Variants in SMARCC2 observed in about 807,000 individuals in gnomAD.
The protein encoded by SMARCC2 is SWI/SNF complex subunit SMARCC2.
A neutral mutation model predicts 151.3 loss-of-function variants in SMARCC2; 15 were observed. The ratio of observed to expected loss-of-function variants is 0.10; its 90% CI spans 0.07 to 0.15. SMARCC2 has a LOEUF of 0.15. Ranked by LOEUF, SMARCC2 falls within the 10% of genes least tolerant of loss-of-function variation. The pLI is 1.00. For synonymous variants in SMARCC2, 590 were observed against 609.5 expected (o/e 0.97, Z 0.47); for missense variants, 1,031 against 1,599.7 (o/e 0.64, Z 6.06).
intron 5 of SMARCC2, chr12:56,184,594 T>C (rs929139954): frequency 1.1e-5 from 6 of 550,940 alleles, no homozygotes; most frequent in Non-Finnish European, 1.9e-5. Context: ...TCTAGCTCAG[T>C]AGAAGTGGAT....
chr12:56,180,931 A>C (rs1876078140), intron 11 of SMARCC2, 46 bp downstream of exon 11: 1 of 1,576,892 alleles, frequency 6.3e-7, no homozygotes, highest in Non-Finnish European at 8.6e-7. Context: ...AGGAGAGTCA[A>C]GACGGGGAGT....
At chr12:56,165,072 G>A (rs1350474796) in intron 27 of SMARCC2, among the ~76,000 whole-genome samples, 2 of 152,160 alleles carry the variant, frequency 1.3e-5, no homozygotes, top group African/African-American at 2.4e-5. Flanking sequence ...TTACAAACAA[G>A]GATAATCTAG....
At chr12:56,176,821 TG>T (rs1376179607) in intron 15 of SMARCC2, among the ~76,000 whole-genome samples, 1 of 147,620 alleles carries the variant, frequency 6.8e-6, no homozygotes, top group East Asian at 2.0e-4. Flanking sequence ...TTTTTGTTTT[TG>T]TTTTTTTGTT....
chr12:56,182,714 C>T (rs886344432), intron 7 of SMARCC2, among the ~76,000 whole-genome samples: 2 of 149,976 alleles, frequency 1.3e-5, no homozygotes, highest in Admixed American at 6.7e-5. Flanking sequence ...GCCTTGGCTT[C>T]CCAAAGTGCT....
intron 1 of SMARCC2, among the ~76,000 whole-genome samples, chr12:56,189,055 G>A (rs899178019): frequency 1.3e-5 from 2 of 151,990 alleles, no homozygotes; most frequent in Non-Finnish European, 2.9e-5. Flanking sequence ...AAGCCAGGAG[G>A]GCGATGGCTG....
At position 56,163,244 on chromosome 12, in the gene SMARCC2, AACTC is replaced by A; in HGVS notation, c.*441_*444del. ...TGGAATCTTAATTCCCCTTTCCTAAAACTCACTCCCCCTCAAAAAATGTAAAAAT... is the reference window on the plus strand; with the variant it reads ...TGGAATCTTAATTCCCCTTTCCTAAAACTCCCCCTCAAAAAATGTAAAAAT... On this transcript the variant is annotated 3_prime_UTR_variant, in exon 29 of 29. Transcript: ENST00000550164. 6.6e-6 allele frequency: 1 copy of A among 151,968 alleles called. No homozygotes were observed. Among genetic ancestry groups the A allele is most frequent in the South Asian group, 2.1e-4 (1 of 4,794 alleles). 9.4% of individuals were successfully genotyped at this position (151,968 alleles called of 1,614,324 possible). A position where few individuals can be genotyped will look rare whatever the true frequency, so the allele number is the denominator to read the frequency against.
At chr12:56,173,562 G>T in intron 17 of SMARCC2, 134 bp downstream of exon 17, 1 of 771,388 alleles carries the variant, frequency 1.3e-6, no homozygotes, top group Non-Finnish European at 2.1e-6. Context: ...TGATTCCCGT[G>T]ACCCTTTGCA....
intron 23 of SMARCC2, 105 bp from the exon 24 acceptor site, chr12:56,170,016 G>A (rs986804878): frequency 7.6e-6 from 11 of 1,438,324 alleles, no homozygotes; most frequent in South Asian, 1.2e-5. Context: ...TTACTTTGGA[G>A]GTGATCTGAT....
In SMARCC2 at chr12:56,171,114, G is replaced by C. The variant is rs1332238037; in HGVS notation, c.2347+157C>G. Among the ~76,000 whole-genome samples, 1 of 152,162 alleles carries C rather than the reference G, an allele frequency of 6.6e-6. No homozygotes were observed. Among genetic ancestry groups the C allele is most frequent in the African/African-American group, 2.4e-5 (1 of 41,436 alleles). On this transcript the variant is annotated intron_variant, in intron 22 of 28. Transcript: ENST00000550164. The surrounding 1 kb of genome is among the most constrained non-coding windows in gnomAD (Gnocchi z 4.2). ...TCATGAGAGGACTAGTAGGGCTCCA[G>C]AGCCCCTGAGGTAAACTCATGGGGA...
intron 23 of SMARCC2, 82 bp from the exon 24 acceptor site, chr12:56,169,993 A>G: frequency 6.8e-7 from 1 of 1,469,366 alleles, no homozygotes; most frequent in Admixed American, 1.7e-5. Flanking sequence ...ACGGGGAACT[A>G]AATTTATTCC....
intron 1 of SMARCC2, among the ~76,000 whole-genome samples, chr12:56,187,906 C>T (rs557728513): frequency 6.6e-6 from 1 of 152,178 alleles, no homozygotes; most frequent in Non-Finnish European, 1.5e-5. Flanking sequence ...ACAACATCTA[C>T]CCTGTCCGAG....
rs1352642347 is a variant in SMARCC2, at chr12:56,171,554, C to A, written c.2186-122G>T. The A allele has an allele frequency of 1.3e-6, 2 of 1,506,032 alleles. No individual in the cohort carries two copies. Among genetic ancestry groups the A allele is most frequent in the African/African-American group, 2.8e-5 (2 of 72,264 alleles). The allele number at this position is 1,506,032 out of a possible 1,614,324, so 93.3% of individuals were successfully genotyped here. A position where few individuals can be genotyped will look rare whatever the true frequency, so the allele number is the denominator to read the frequency against. On this transcript the variant is annotated intron_variant, in intron 21 of 28. Coordinates refer to ENST00000550164, the MANE Select transcript of SMARCC2 (RefSeq NM_001330288.2). This position sits in a 1 kb window ranked among gnomAD's most constrained non-coding sequence, Gnocchi z 4.2. ...AGCTAGTATGGAGCCTAGACAGGTG[C>A]CTGAGCTGAGGCCCGCACAGACAAG...
At chr12:56,177,081 G>A (rs1875160046) in intron 15 of SMARCC2, among the ~76,000 whole-genome samples, 1 of 151,634 alleles carries the variant, frequency 6.6e-6, no homozygotes, top group South Asian at 2.1e-4. Flanking sequence ...TCAGCCTCCC[G>A]AATTGCTGGG....
At chr12:56,188,434 A>C (rs1368210553) in intron 1 of SMARCC2, among the ~76,000 whole-genome samples, 2 of 151,464 alleles carry the variant, frequency 1.3e-5, no homozygotes, top group African/African-American at 2.5e-5. Flanking sequence ...GAGCTGAAAG[A>C]AAGCCATAAA....
In SMARCC2 at chr12:56,171,183, T is replaced by C. The variant is rs895130007; in HGVS notation, c.2347+88A>G. 1.6e-5 allele frequency: 22 copies of C among 1,346,654 alleles called. No homozygotes were observed. The highest frequency in any genetic ancestry group is 2.0e-5 in the Non-Finnish European group (19 of 948,388). 83.4% of individuals were successfully genotyped at this position (1,346,654 alleles called of 1,614,324 possible). Reference sequence around the variant, plus strand: ...TGTTCTCATTCATGTTGTGCTCTAATGCCAACTTGAGGCAGAAATGGCACA... The same window carrying C: ...TGTTCTCATTCATGTTGTGCTCTAACGCCAACTTGAGGCAGAAATGGCACA... On this transcript the variant is annotated intron_variant, in intron 22 of 28. Transcript: ENST00000550164. The surrounding 1 kb of genome is among the most constrained non-coding windows in gnomAD (Gnocchi z 4.2).
chr12:56,178,694 C>T, intron 13 of SMARCC2, 116 bp downstream of exon 13: 4 of 1,443,174 alleles, frequency 2.8e-6, no homozygotes, highest in Non-Finnish European at 2.9e-6. Flanking sequence ...TTGAACAAAG[C>T]TGGAATTAGT....
At chr12:56,181,889 T>C in intron 8 of SMARCC2, 54 bp from the exon 9 acceptor site, 2 of 1,611,900 alleles carry the variant, frequency 1.2e-6, no homozygotes, top group Non-Finnish European at 1.7e-6. Context: ...CACAGCTCTG[T>C]CTGGGGACCC....
At chr12:56,166,276 G>C (rs1293622008) in intron 26 of SMARCC2, among the ~76,000 whole-genome samples, 1 of 152,032 alleles carries the variant, frequency 6.6e-6, no homozygotes, top group Admixed American at 6.6e-5. Flanking sequence ...CGAGTAGCTG[G>C]GATTACAGGT....
chr12:56,171,575 A>T lies in SMARCC2; in HGVS notation c.2185+104T>A. 3.4e-6 allele frequency: 5 copies of T among 1,485,940 alleles called. No homozygotes were observed. The highest frequency in any genetic ancestry group is 4.6e-6 in the Non-Finnish European group (5 of 1,097,774). The allele number at this position is 1,485,940 out of a possible 1,614,324, so 92.0% of individuals were successfully genotyped here. On this transcript the variant is annotated intron_variant, in intron 21 of 28. Coordinates refer to ENST00000550164, the MANE Select transcript of SMARCC2 (RefSeq NM_001330288.2). This position sits in a 1 kb window ranked among gnomAD's most constrained non-coding sequence, Gnocchi z 4.2. ...GGTGCCTGAGCTGAGGCCCGCACAG[A>T]CAAGGCCAGCAGGGCAGCCAAACTT...
Sources: gnomAD v4.1 joint callset for allele counts (sites outside exome capture counted in the v4.1 genomes callset) on GRCh38, gnomAD v4.1.1 for gene constraint, Gnocchi (gnomAD v3.1) non-coding constraint, MANE v1.5 for transcripts, NCBI Gene and HGNC (gene_info 2026-07-23, HGNC 2026-07-21) for gene names.